Variants in CDH9 observed in about 807,000 individuals in gnomAD.
CDH9 encodes cadherin-9.
A neutral mutation model predicts 70.9 loss-of-function variants in CDH9; 28 were observed. The ratio of observed to expected loss-of-function variants is 0.40; its 90% confidence interval spans 0.29 to 0.54. The LOEUF is 0.54. Among genes scored for constraint, CDH9 ranks in the 20% least tolerant of loss-of-function variants. CDH9 has a pLI of 0.59. For synonymous variants in CDH9, 409 were observed against 343.1 expected, an observed-to-expected ratio of 1.19 and a Z score of -2.12; for missense variants, 874 against 984.4, an observed-to-expected ratio of 0.89 and a Z score of 1.50.
chr5:27,022,677 G>A (rs1743158392), intron 1 of CDH9, among the ~76,000 whole-genome samples: 1 of 152,074 alleles, frequency 6.6e-6, no homozygotes, highest in African/African-American at 2.4e-5. Context: ...TCTGCAGACA[G>A]GGTAAACGAA....
intron 2 of CDH9, among the ~76,000 whole-genome samples, chr5:26,919,980 G>A (rs574664456): frequency 2.6e-4 from 40 of 152,196 alleles, no homozygotes; most frequent in Middle Eastern, 3.4e-3. Context: ...TGTGGTGGTC[G>A]TGGGAAGAGA....
At chr5:27,032,478 C>A (rs1017152226) in intron 1 of CDH9, among the ~76,000 whole-genome samples, 20 of 151,610 alleles carry the variant, frequency 1.3e-4, no homozygotes, top group East Asian at 3.9e-4. Context: ...TGAATTAAAA[C>A]CATATTAAAT....
chr5:26,914,437 A>G (rs953989000), intron 3 of CDH9, among the ~76,000 whole-genome samples: 2 of 152,008 alleles, frequency 1.3e-5, no homozygotes, highest in African/African-American at 4.8e-5. Flanking sequence ...AAAAAATATA[A>G]CAGGGAACAT....
At chr5:27,035,237 C>T (rs1743372336) in intron 1 of CDH9, among the ~76,000 whole-genome samples, 1 of 150,228 alleles carries the variant, frequency 6.7e-6, no homozygotes, top group Admixed American at 6.7e-5. Context: ...TTCTAAGCCT[C>T]TGCTTTAGTA....
chr5:27,013,368 C>T (rs1742990974), intron 1 of CDH9, among the ~76,000 whole-genome samples: 1 of 151,942 alleles, frequency 6.6e-6, no homozygotes, highest in Non-Finnish European at 1.5e-5. Context: ...GAATTGCTGT[C>T]TGCTAAAATA....
In CDH9 at chr5:26,996,462, A is replaced by T. The variant is rs147545523; in HGVS notation, c.-49-8080T>A. Among the ~76,000 whole-genome samples, 124 of 152,104 alleles carry T rather than the reference A, an allele frequency of 8.2e-4. 1 individual carries two copies. The highest frequency in any genetic ancestry group is 2.9e-3 in the African/African-American group (120 of 41,550). Reference sequence around the variant, plus strand: ...GATTCCTAGATTCCTGTGATTTTCCAATACTCTGTTTTGTCTCTCATACCA... The same window carrying T: ...GATTCCTAGATTCCTGTGATTTTCCTATACTCTGTTTTGTCTCTCATACCA... On this transcript the variant is annotated intron_variant, in intron 1 of 11. Coordinates refer to ENST00000231021, the MANE Select transcript of CDH9 (RefSeq NM_016279.4).
chr5:26,928,440 A>G (rs1201949481), intron 2 of CDH9, among the ~76,000 whole-genome samples: 1 of 152,070 alleles, frequency 6.6e-6, no homozygotes, highest in African/African-American at 2.4e-5. Flanking sequence ...CACAGAGTCA[A>G]TGTAATCCCA....
At chr5:26,971,160 G>A (rs1742213028) in intron 2 of CDH9, among the ~76,000 whole-genome samples, 1 of 152,080 alleles carries the variant, frequency 6.6e-6, no homozygotes, top group African/African-American at 2.4e-5. Context: ...TGACCAGAAA[G>A]TCAGAAAAGA....
chr5:26,904,536 A>G (rs950713841), intron 5 of CDH9, among the ~76,000 whole-genome samples: 4 of 152,092 alleles, frequency 2.6e-5, no homozygotes, highest in Admixed American at 2.6e-4. Context: ...TAATCCTCAC[A>G]CTAGTCCTCA....
chr5:27,016,613 T>A (rs1743050820), intron 1 of CDH9, among the ~76,000 whole-genome samples: 1 of 151,896 alleles, frequency 6.6e-6, no homozygotes, highest in Admixed American at 6.6e-5. Context: ...ATTGGCAGCA[T>A]AATTTTCTCC....
chr5:26,908,418 A>G (rs1034470704), intron 3 of CDH9, among the ~76,000 whole-genome samples: 3 of 152,112 alleles, frequency 2.0e-5, no homozygotes, highest in East Asian at 1.9e-4. Context: ...GGTTTTCACA[A>G]TTGGAGGTTA....
chr5:26,994,964 T>C (rs1214488500), intron 1 of CDH9, among the ~76,000 whole-genome samples: 1 of 152,188 alleles, frequency 6.6e-6, no homozygotes, highest in South Asian at 2.1e-4. Context: ...GAACAACCTT[T>C]TGAAAAATAG....
chr5:26,969,882 T>A (rs1579484746), intron 2 of CDH9, among the ~76,000 whole-genome samples: 1 of 150,556 alleles, frequency 6.6e-6, no homozygotes, highest in Middle Eastern at 3.5e-3. Flanking sequence ...AAAAAATGTG[T>A]GTAACGTGTG....
intron 2 of CDH9, among the ~76,000 whole-genome samples, chr5:26,934,030 G>A (rs1741516460): frequency 6.6e-6 from 1 of 152,064 alleles, no homozygotes; most frequent in African/African-American, 2.4e-5. Flanking sequence ...GCCAGCATCT[G>A]CATCTGATGA....
intron 2 of CDH9, among the ~76,000 whole-genome samples, chr5:26,971,552 C>A (rs570189819): frequency 6.6e-5 from 10 of 152,242 alleles, no homozygotes; most frequent in Non-Finnish European, 1.5e-4. Context: ...GTATATGTTG[C>A]TAAAATCAAC....
intron 2 of CDH9, among the ~76,000 whole-genome samples, chr5:26,937,850 G>C (rs982988632): frequency 5.2e-4 from 79 of 152,146 alleles, no homozygotes; most frequent in African/African-American, 1.8e-3. Flanking sequence ...ATGGGGTACA[G>C]GGGAATTTTT....
chr5:26,913,595 T>A (rs563488636), intron 3 of CDH9, among the ~76,000 whole-genome samples: 199 of 152,206 alleles, frequency 1.3e-3, no homozygotes, highest in African/African-American at 3.4e-3. Context: ...GTTGTACTGC[T>A]TACACTTTAA....
chr5:27,005,725 T>C (rs1742851434), intron 1 of CDH9, among the ~76,000 whole-genome samples: 2 of 152,126 alleles, frequency 1.3e-5, no homozygotes, highest in Non-Finnish European at 2.9e-5. Context: ...TGTATGTTCA[T>C]TGCAGCACTG....
At chr5:26,990,480 A>G (rs778827926) in intron 1 of CDH9, among the ~76,000 whole-genome samples, 3 of 152,198 alleles carry the variant, frequency 2.0e-5, no homozygotes, top group Non-Finnish European at 4.4e-5. Flanking sequence ...GGTCATGGTT[A>G]TTATCATCAG....
Sources: allele counts gnomAD v4.1 joint callset (sites outside exome capture counted in the v4.1 genomes callset), GRCh38; gene constraint gnomAD v4.1.1; transcripts MANE v1.5; gene names NCBI Gene and HGNC (gene_info 2026-07-23, HGNC 2026-07-21).